ASB9: variants seen among roughly 807,000 people sequenced by gnomAD.
ASB9 encodes the protein ankyrin repeat and SOCS box containing 9, also known as ankyrin repeat and SOCS box protein 9.
ASB9 carries 5 observed loss-of-function variants against 16.6 expected under a neutral mutation model. The ratio of observed to expected loss-of-function variants is 0.30; its 90% confidence interval spans 0.16 to 0.63. The LOEUF (loss-of-function observed/expected upper bound fraction) is 0.63. Among genes scored for constraint, ASB9 ranks in the 30% least tolerant of loss-of-function variants. ASB9 has a pLI of 0.82. For missense variants in ASB9, 216 were observed against 229.4 expected (o/e 0.94, Z 0.38); for synonymous variants, 100 against 86.4 (o/e 1.16, Z -0.87).
chrX:15,251,662 T>G (rs1925130599), intron 4 of ASB9, among the ~76,000 whole-genome samples: 1 of 111,498 alleles, frequency 9.0e-6, no homozygotes, highest in South Asian at 3.7e-4. Context: ...TTGGAGAAAA[T>G]AAAAACTTGT....
At position 15,245,326 on chromosome X, in the gene ASB9, G is replaced by C. The variant is rs148435122; in HGVS notation, c.761-696C>G. Among the ~76,000 whole-genome samples, 308 of 110,998 alleles carry C rather than the reference G, an allele frequency of 2.8e-3. 1 individual carries two copies. The highest frequency in any genetic ancestry group is 9.0e-3 in the African/African-American group (274 of 30,477). On this transcript the variant is annotated intron_variant, in intron 6 of 6. Transcript: ENST00000380488. ...TTTTTGGTTGCCAAAACTTGAGGAA[G>C]GGTGCTACTGGCATCTAATGGGAGA...
At chrX:15,262,927 TGGCCTAGTTTAA>T (rs1926091931) in intron 1 of ASB9, among the ~76,000 whole-genome samples, 1 of 112,479 alleles carries the variant, frequency 8.9e-6, no homozygotes, top group Non-Finnish European at 1.9e-5. Context: ...CCACTGCGCC[TGGCCTAGTTTAA>T]CATTTTTCTA....
chrX:15,259,505 G>C (rs1464689147), intron 1 of ASB9, among the ~76,000 whole-genome samples: 2 of 112,896 alleles, frequency 1.8e-5, no homozygotes, highest in Admixed American at 9.4e-5. Flanking sequence ...CCTTGAAACA[G>C]GGACATTATT....
intron 3 of ASB9, among the ~76,000 whole-genome samples, chrX:15,253,319 C>T (rs957627851): frequency 1.8e-5 from 2 of 111,409 alleles, no homozygotes; most frequent in East Asian, 2.8e-4. Context: ...CCGCCGGGCA[C>T]GGTGGCTCAC....
chrX:15,248,176 C>A (rs891352910), intron 6 of ASB9, among the ~76,000 whole-genome samples: 4 of 91,396 alleles, frequency 4.4e-5, no homozygotes, highest in African/African-American at 1.8e-4. Flanking sequence ...TACTTCCATA[C>A]ACACTGCTCA....
In ASB9 at chrX:15,244,767, G is replaced by T. The variant is rs1402705402; in HGVS notation, c.761-137C>A. 8 of 664,630 alleles carry T rather than the reference G, an allele frequency of 1.2e-5. No individual in the cohort carries two copies. The Admixed American group carries it at 2.1e-4, about 17-fold the overall frequency. 54.8% of individuals were successfully genotyped at this position (664,630 alleles called of 1,213,427 possible). A position where few individuals can be genotyped will look rare whatever the true frequency, so the allele number is the denominator to read the frequency against. ...GAACTATTTAAGACCATTTTCTGGGGTTTTTTTGTAGAAGGCATTTTTAGG... is the reference window on the plus strand; with the variant it reads ...GAACTATTTAAGACCATTTTCTGGGTTTTTTTTGTAGAAGGCATTTTTAGG... On this transcript the variant is annotated intron_variant, in intron 6 of 6. Coordinates refer to ENST00000380488, the MANE Select transcript of ASB9 (RefSeq NM_001031739.3).
intron 6 of ASB9, among the ~76,000 whole-genome samples, chrX:15,245,624 A>T (rs1266192004): frequency 1.8e-5 from 2 of 111,706 alleles, no homozygotes; most frequent in African/African-American, 3.3e-5. Flanking sequence ...GTGGGGGTAC[A>T]TTCAACTACA....
intron 6 of ASB9, among the ~76,000 whole-genome samples, chrX:15,247,974 C>T (rs1924805088): frequency 8.9e-6 from 1 of 112,359 alleles, no homozygotes; most frequent in Admixed American, 9.4e-5. Flanking sequence ...GATTGTATAA[C>T]ATCAGAATCC....
chrX:15,267,525 A>AAT, intron 1 of ASB9, among the ~76,000 whole-genome samples: 1 of 31,354 alleles, frequency 3.2e-5, no homozygotes, highest in Non-Finnish European at 5.4e-5. Context: ...CGGGCGGATC[A>AAT]CGAGGTCAGG....
chrX:15,254,644 A>T, intron 3 of ASB9, 93 bp downstream of exon 3: 1 of 641,679 alleles, frequency 1.6e-6, no homozygotes, highest in Non-Finnish European at 2.5e-6. Flanking sequence ...ATTTCAAATC[A>T]GTCTAATCAA....
At chrX:15,268,746 G>A (rs1032431924) in intron 1 of ASB9, among the ~76,000 whole-genome samples, 13 of 107,275 alleles carry the variant, frequency 1.2e-4, no homozygotes, top group South Asian at 4.5e-4. Flanking sequence ...CCCGGGAGGC[G>A]GAGGTTGCAG....
At chrX:15,260,010 T>C (rs751032274) in intron 1 of ASB9, among the ~76,000 whole-genome samples, 117 of 112,145 alleles carry the variant, frequency 1.0e-3, no homozygotes, top group Non-Finnish European at 2.0e-3. Flanking sequence ...CAACCTGTAC[T>C]TACCATGGCT....
intron 1 of ASB9, among the ~76,000 whole-genome samples, chrX:15,267,425 T>TTAAAAAAAAAAAAAAAAAATAC (rs377056337): frequency 5.7e-4 from 50 of 87,547 alleles, no homozygotes; most frequent in African/African-American, 2.0e-3. Flanking sequence ...AAAATATATA[T>TTAAAAAAAAAAAAAAAAAATAC]ATATATATAA....
rs374373927 is a variant in ASB9 at position 15,248,841 on chromosome X, A to G, written c.663T>C (p.Phe221=). 9.4e-5 allele frequency: 114 copies of G among 1,210,107 alleles called. No homozygotes were observed. The highest frequency in any genetic ancestry group is 1.2e-4 in the Non-Finnish European group (104 of 895,133). ...SEELACLLMD[F]GADTQAKNAE... ...CATTCTTGGCCTGGGTGTCCGCTCC[A>G]AAATCCATGAGCAGGCAGGCCAGCT... The change falls in exon 6 of 7, where the codon TTT becomes TTC. Residue 221 remains phenylalanine (F), a synonymous_variant. Coordinates refer to ENST00000380488, the MANE Select transcript of ASB9 (RefSeq NM_001031739.3).
At chrX:15,256,958 A>C (rs1925621380) in intron 2 of ASB9, among the ~76,000 whole-genome samples, 1 of 110,822 alleles carries the variant, frequency 9.0e-6, no homozygotes, top group Non-Finnish European at 1.9e-5. Context: ...CAATGCCACA[A>C]GAGGGGTATG....
At chrX:15,250,771 G>C (rs995194365) in intron 4 of ASB9, among the ~76,000 whole-genome samples, 1 of 111,681 alleles carries the variant, frequency 9.0e-6, no homozygotes, top group Non-Finnish European at 1.9e-5. Context: ...CCCCAGGCTG[G>C]AGTGCAGTGG....
intron 1 of ASB9, among the ~76,000 whole-genome samples, chrX:15,263,968 G>A (rs1255282725): frequency 9.0e-6 from 1 of 111,413 alleles, no homozygotes; most frequent in Non-Finnish European, 1.9e-5. Flanking sequence ...CTATGAGTAG[G>A]TATAAATTAG....
chrX:15,244,689 T>G, intron 6 of ASB9, 59 bp from the exon 7 acceptor site: 3 of 957,227 alleles, frequency 3.1e-6, no homozygotes, highest in Non-Finnish European at 2.7e-6. Flanking sequence ...GACTCCTTTT[T>G]TTTAAAAAAA....
intron 4 of ASB9, among the ~76,000 whole-genome samples, 181 bp from the exon 5 acceptor site, chrX:15,250,745 G>A (rs1301124974): frequency 9.0e-6 from 1 of 111,586 alleles, no homozygotes; most frequent in Non-Finnish European, 1.9e-5. Flanking sequence ...TTTTAGAAAC[G>A]GAGTCTCGCT....
Sources: gnomAD v4.1 joint callset for allele counts (sites outside exome capture counted in the v4.1 genomes callset) on GRCh38, gnomAD v4.1.1 for gene constraint, MANE v1.5 for transcripts, NCBI Gene and HGNC (gene_info 2026-07-23, HGNC 2026-07-21) for gene names.